Variants in SLC39A8 observed in about 807,000 individuals in gnomAD.
The protein encoded by SLC39A8 is metal cation symporter ZIP8.
SLC39A8 carries 15 observed loss-of-function variants against 40.4 expected under a neutral mutation model. The observed-to-expected ratio is 0.37, with a 90% CI of 0.25 to 0.57. The LOEUF (loss-of-function observed/expected upper bound fraction) is 0.57. SLC39A8 is among the 20% of genes least tolerant of loss of function. The pLI, the probability that SLC39A8 is intolerant of heterozygous loss-of-function variation, is 0.75. For synonymous variants in SLC39A8, 223 were observed against 221.6 expected, an observed-to-expected ratio of 1.01 and a Z score of -0.06; for missense variants, 472 against 558.8, an observed-to-expected ratio of 0.84 and a Z score of 1.57.
intron 7 of SLC39A8, 37 bp downstream of exon 7, chr4:102,267,835 G>A: frequency 6.2e-7 from 1 of 1,603,464 alleles, no homozygotes; most frequent in Non-Finnish European, 8.5e-7. Context: ...AAATCAAGAA[G>A]TAAGCAGACT....
intron 3 of SLC39A8, among the ~76,000 whole-genome samples, chr4:102,312,896 G>A (rs2149038870): frequency 6.6e-6 from 1 of 152,254 alleles, no homozygotes; most frequent in South Asian, 2.1e-4. Flanking sequence ...TGGCTTCAGA[G>A]TCTGTGCTTT....
At chr4:102,293,787 T>A (rs924312856) in intron 6 of SLC39A8, among the ~76,000 whole-genome samples, 1 of 151,948 alleles carries the variant, frequency 6.6e-6, no homozygotes, top group African/African-American at 2.4e-5. Flanking sequence ...TCCACAATGA[T>A]ATTGATATGG....
Position 102,286,628 on chromosome 4 carries a change from C to T in SLC39A8, c.840+17689G>A, listed in dbSNP as rs77700733. On this transcript the variant is annotated intron_variant, in intron 6 of 8. Transcript: ENST00000356736. The stretch of plus-strand genomic sequence containing the variant: ...CAACATATCAAACACATAATAACAA[C>T]TTGGAATTTCTCTAGATAATTGAGA... Among the ~76,000 whole-genome samples the T allele has an allele frequency of 2.4e-3, 369 of 152,206 alleles. 16 individuals are homozygous for T. The East Asian group carries it at 0.067, about 27-fold the overall frequency.
At chr4:102,277,395 A>G (rs1375860761) in intron 6 of SLC39A8, among the ~76,000 whole-genome samples, 4 of 152,170 alleles carry the variant, frequency 2.6e-5, no homozygotes, top group Admixed American at 6.5e-5. Context: ...CACAATTGCT[A>G]CCAAGAGAAT....
chr4:102,262,694 T>A lies in SLC39A8; in HGVS notation c.*350A>T, dbSNP rs1432045686. The A allele has an allele frequency of 1.0e-6, 1 of 1,004,084 alleles. No individual in the cohort carries two copies. The highest frequency in any genetic ancestry group is 1.7e-5 in the African/African-American group (1 of 57,874). 62.2% of individuals were successfully genotyped at this position (1,004,084 alleles called of 1,614,324 possible). A position where few individuals can be genotyped will look rare whatever the true frequency, so the allele number is the denominator to read the frequency against. ...GATCCTACCATAGAGTTTTAAAGGC[T>A]TTCAGGATATAACTTGTATTTTCCC... On this transcript the variant is annotated 3_prime_UTR_variant, in exon 9 of 9. Coordinates refer to ENST00000356736, the MANE Select transcript of SLC39A8 (RefSeq NM_001135146.2).
chr4:102,323,767 T>C (rs575231519), intron 2 of SLC39A8, among the ~76,000 whole-genome samples: 1 of 152,376 alleles, frequency 6.6e-6, no homozygotes, highest in African/African-American at 2.4e-5. Flanking sequence ...AATTCAGATA[T>C]ATGTGTTCTC....
intron 2 of SLC39A8, among the ~76,000 whole-genome samples, chr4:102,320,487 TATATATATATGAGA>T (rs1412877526): frequency 2.5e-5 from 2 of 79,560 alleles, no homozygotes; most frequent in Non-Finnish European, 4.9e-5. Flanking sequence ...TATATGAGAG[TATATATATATGAGA>T]ATATATATAT....
intron 2 of SLC39A8, among the ~76,000 whole-genome samples, chr4:102,326,112 G>A (rs1735186901): frequency 6.6e-6 from 1 of 152,158 alleles, no homozygotes; most frequent in African/African-American, 2.4e-5. Context: ...CCCATCATCT[G>A]CTAGGGAATC....
intron 6 of SLC39A8, among the ~76,000 whole-genome samples, chr4:102,291,739 CTCT>C (rs1340763641): frequency 6.6e-6 from 1 of 151,988 alleles, no homozygotes; most frequent in African/African-American, 2.4e-5. Context: ...CCATCAAGCT[CTCT>C]TCTAATGAAC....
intron 3 of SLC39A8, among the ~76,000 whole-genome samples, chr4:102,311,721 A>G (rs1489877370): frequency 6.6e-6 from 1 of 152,060 alleles, no homozygotes; most frequent in East Asian, 1.9e-4. Flanking sequence ...AAAGCACATG[A>G]AATACTTTCA....
rs1736097134 is a variant in SLC39A8, at chr4:102,344,763, C to T, written c.-101G>A. 2.0e-5 allele frequency: 26 copies of T among 1,328,752 alleles called. No homozygotes were observed. The highest frequency in any genetic ancestry group is 2.4e-5 in the Non-Finnish European group (25 of 1,044,320). 82.3% of individuals were successfully genotyped at this position (1,328,752 alleles called of 1,614,324 possible). A position where few individuals can be genotyped will look rare whatever the true frequency, so the allele number is the denominator to read the frequency against. On this transcript the variant is annotated 5_prime_UTR_variant, in exon 2 of 9. Coordinates refer to ENST00000356736, the MANE Select transcript of SLC39A8 (RefSeq NM_001135146.2). ...TTGCCCAAGGGCGGGAGCGTCAGTG[C>T]TCGGCGCTGCTCCGAGTCAGAGGTG...
downstream of SLC39A8, among the ~76,000 whole-genome samples, chr4:102,258,416 A>G (rs1003416738): frequency 1.3e-5 from 2 of 152,134 alleles, no homozygotes; most frequent in African/African-American, 4.8e-5. Context: ...GGGTGGCACA[A>G]TGGCTGTTCT....
chr4:102,277,429 C>A (rs1397249411), intron 6 of SLC39A8, among the ~76,000 whole-genome samples: 1 of 152,132 alleles, frequency 6.6e-6, no homozygotes, highest in Non-Finnish European at 1.5e-5. Context: ...ATACAACTTA[C>A]AAGGGATGTG....
At chr4:102,279,180 C>T (rs531248873) in intron 6 of SLC39A8, among the ~76,000 whole-genome samples, 48 of 151,996 alleles carry the variant, frequency 3.2e-4, no homozygotes, top group South Asian at 1.0e-3. Context: ...CTCCTGTCCC[C>T]GAAACCTTGG....
At chr4:102,303,819 AC>A (rs1734016422) in intron 6 of SLC39A8, among the ~76,000 whole-genome samples, 1 of 151,900 alleles carries the variant, frequency 6.6e-6, no homozygotes, top group East Asian at 1.9e-4. Context: ...TAAGCATATT[AC>A]CTGGTATATG....
chr4:102,267,927 A>G lies in SLC39A8; in HGVS notation c.993T>C (p.Leu331=). ...TTGCTATGGAAGTACTGAGTCCCTG[A>G]AGGAGAGACAAGGTGCAGGAAGCCC... ...AIGASCTLSL[L]QGLSTSIAIL... Residue 331 remains leucine (L), a synonymous_variant, in exon 7 of 9, where the codon CTT becomes CTC. Coordinates refer to ENST00000356736, the MANE Select transcript of SLC39A8 (RefSeq NM_001135146.2). 6.2e-7 allele frequency: 1 copy of G among 1,614,196 alleles called. No individual in the cohort carries two copies. Among genetic ancestry groups the G allele is most frequent in the South Asian group, 1.1e-5 (1 of 91,078 alleles).
intron 6 of SLC39A8, among the ~76,000 whole-genome samples, chr4:102,276,110 G>A (rs1445716408): frequency 6.6e-6 from 1 of 152,156 alleles, no homozygotes; most frequent in Admixed American, 6.5e-5. Flanking sequence ...TCAAAAGCCA[G>A]CTGAAGGCAA....
rs1314364279 is a variant in SLC39A8 at position 102,307,614 on chromosome 4, C to T, written c.383-9G>A. 1.9e-6 allele frequency: 3 copies of T among 1,610,826 alleles called. No homozygotes were observed. Among genetic ancestry groups the T allele is most frequent in the Middle Eastern group, 1.7e-4 (1 of 6,036 alleles). ...GAATCCATATCCCCAAACTGTGGGT[C>T]AGAGGGAAAAGAGAGTAGAAATTAA... On this transcript the variant is annotated splice_polypyrimidine_tract_variant and intron_variant, in intron 3 of 8. Coordinates refer to ENST00000356736, the MANE Select transcript of SLC39A8 (RefSeq NM_001135146.2).
chr4:102,331,659 A>T (rs1735469939), intron 2 of SLC39A8, among the ~76,000 whole-genome samples: 1 of 152,208 alleles, frequency 6.6e-6, no homozygotes, highest in Non-Finnish European at 1.5e-5. Flanking sequence ...GAATTGGAAA[A>T]AACTACTTTA....
Sources: gnomAD v4.1 joint callset for allele counts (sites outside exome capture counted in the v4.1 genomes callset) on GRCh38, gnomAD v4.1.1 for gene constraint, MANE v1.5 for transcripts, NCBI Gene and HGNC (gene_info 2026-07-23, HGNC 2026-07-21) for gene names.